MRTFA: variants seen among roughly 807,000 people sequenced by gnomAD.
The protein encoded by MRTFA is myocardin related transcription factor A.
MRTFA carries 20 observed loss-of-function variants against 83.5 expected under a neutral mutation model. The observed-to-expected ratio is 0.24, with a 90% CI of 0.17 to 0.35. MRTFA has a LOEUF of 0.35. Among genes scored for constraint, MRTFA ranks in the 10% least tolerant of loss-of-function variants. MRTFA has a pLI of 1.00. For missense variants in MRTFA, 1,200 were observed against 1,224.7 expected, an observed-to-expected ratio of 0.98 and a Z score of 0.30; for synonymous variants, 659 against 541.2, an observed-to-expected ratio of 1.22 and a Z score of -3.02.
chr22:40,417,411 G>T lies in MRTFA; in HGVS notation c.2447C>A (p.Thr816Asn). 3 of 1,610,864 alleles carry T rather than the reference G, an allele frequency of 1.9e-6. No individual in the cohort carries two copies. Among genetic ancestry groups the T allele is most frequent in the Non-Finnish European group, 2.5e-6 (3 of 1,179,432 alleles). ...TTCCTTCTTCAGCAGAGAAGTGGGG[G>T]TCCCAAAGAGGGGCTGCAGTGGGTG... Residue 816 changes from threonine to asparagine, a missense_variant, in exon 13 of 15, where the codon ACC becomes AAC. Transcript: ENST00000355630.
rs746810895 is a variant in MRTFA, at chr22:40,411,363, T to C, written c.*27A>G. 12 of 1,530,918 alleles carry C rather than the reference T, an allele frequency of 7.8e-6. No individual in the cohort carries two copies. The highest frequency in any genetic ancestry group is 1.8e-4 in the Middle Eastern group (1 of 5,636). The allele number at this position is 1,530,918 out of a possible 1,614,324, so 94.8% of individuals were successfully genotyped here. The stretch of plus-strand genomic sequence containing the variant: ...TTGGAGTACCCTGGCTCCCAGCCCC[T>C]TCCCCACCCCGTCTTGAGCCAGAGA... On this transcript the variant is annotated 3_prime_UTR_variant, in exon 15 of 15. Transcript: ENST00000355630.
intron 3 of MRTFA, among the ~76,000 whole-genome samples, chr22:40,502,639 C>G (rs2054512905): frequency 6.7e-6 from 1 of 149,634 alleles, no homozygotes; most frequent in Admixed American, 6.6e-5. Flanking sequence ...CTCCTCACTT[C>G]CCAGACGGGG....
intron 3 of MRTFA, among the ~76,000 whole-genome samples, chr22:40,464,392 C>A (rs554507150): frequency 1.1e-4 from 16 of 146,774 alleles, no homozygotes; most frequent in African/African-American, 3.8e-4. Flanking sequence ...ACAAACTACA[C>A]AGAATGACAA....
chr22:40,553,345 T>C (rs2055471694), intron 2 of MRTFA, among the ~76,000 whole-genome samples: 1 of 152,184 alleles, frequency 6.6e-6, no homozygotes, highest in Non-Finnish European at 1.5e-5. Context: ...GTCACAGACC[T>C]TCACAGCAGC....
chr22:40,506,665 G>T (rs1289514853), intron 3 of MRTFA, among the ~76,000 whole-genome samples: 1 of 152,166 alleles, frequency 6.6e-6, no homozygotes, highest in Non-Finnish European at 1.5e-5. Context: ...AAATGGGGGG[G>T]TGATGAATCA....
chr22:40,467,639 C>G (rs2053831139), intron 3 of MRTFA, among the ~76,000 whole-genome samples: 1 of 152,010 alleles, frequency 6.6e-6, no homozygotes, highest in Admixed American at 6.5e-5. Context: ...CACATCCACT[C>G]TCACCGAGAA....
intron 3 of MRTFA, among the ~76,000 whole-genome samples, chr22:40,479,647 T>G (rs1056436012): frequency 2.0e-5 from 3 of 152,142 alleles, no homozygotes; most frequent in African/African-American, 7.2e-5. Flanking sequence ...AATTATCAAT[T>G]CCTATAAATG....
intron 3 of MRTFA, among the ~76,000 whole-genome samples, chr22:40,471,190 T>C (rs1296724166): frequency 7.9e-6 from 1 of 126,748 alleles, no homozygotes; most frequent in Admixed American, 9.7e-5. Context: ...AAGACCAGCC[T>C]GGCCAACATG....
intron 1 of MRTFA, among the ~76,000 whole-genome samples, chr22:40,599,315 C>A (rs113693471): frequency 4.9e-4 from 74 of 152,128 alleles, no homozygotes; most frequent in African/African-American, 1.7e-3. Context: ...ACAAAAAAAA[C>A]TTGGGCATTA....
chr22:40,482,439 G>A (rs1215581494), intron 3 of MRTFA, among the ~76,000 whole-genome samples: 1 of 152,120 alleles, frequency 6.6e-6, no homozygotes, highest in African/African-American at 2.4e-5. Context: ...AGATCTCAAA[G>A]TGCCAATTAC....
intron 1 of MRTFA, among the ~76,000 whole-genome samples, chr22:40,613,864 C>T (rs559932334): frequency 6.6e-6 from 1 of 152,086 alleles, no homozygotes; most frequent in South Asian, 2.1e-4. Context: ...GAGCCGGGAT[C>T]GTGTGCACTC....
intron 4 of MRTFA, among the ~76,000 whole-genome samples, chr22:40,452,374 T>C (rs984444269): frequency 1.3e-5 from 2 of 152,186 alleles, no homozygotes; most frequent in African/African-American, 2.4e-5. Flanking sequence ...GGTAAAATAG[T>C]TGAGTAGTAC....
intron 8 of MRTFA, 34 bp from the exon 9 acceptor site, chr22:40,423,719 A>C: frequency 6.7e-7 from 1 of 1,493,414 alleles, no homozygotes; most frequent in Non-Finnish European, 9.0e-7. Context: ...GGACATGGCC[A>C]CCTCCAGGTA....
At chr22:40,485,021 G>A (rs2054152375) in intron 3 of MRTFA, among the ~76,000 whole-genome samples, 1 of 151,116 alleles carries the variant, frequency 6.6e-6, no homozygotes, top group African/African-American at 2.4e-5. Context: ...GCAGTGAGAG[G>A]AGATTGCGCC....
At chr22:40,539,812 A>G (rs1038956967) in intron 3 of MRTFA, among the ~76,000 whole-genome samples, 4 of 150,460 alleles carry the variant, frequency 2.7e-5, no homozygotes, top group Non-Finnish European at 4.4e-5. Context: ...GACGACAACT[A>G]TTTTCTTAAC....
chr22:40,631,283 A>G (rs1306674290), intron 1 of MRTFA, among the ~76,000 whole-genome samples: 1 of 152,116 alleles, frequency 6.6e-6, no homozygotes, highest in Non-Finnish European at 1.5e-5. Flanking sequence ...AAACTAATTC[A>G]CCCAGTCAGT....
chr22:40,499,534 T>C (rs924552991), intron 3 of MRTFA, among the ~76,000 whole-genome samples: 2 of 152,124 alleles, frequency 1.3e-5, no homozygotes, highest in Non-Finnish European at 2.9e-5. Flanking sequence ...AGCACAGAAA[T>C]TAACATATTT....
chr22:40,419,481 G>A (rs766146596), intron 11 of MRTFA, 97 bp from the exon 12 acceptor site: 10 of 1,111,558 alleles, frequency 9.0e-6, no homozygotes, highest in Non-Finnish European at 1.3e-5. Context: ...GGCCACTGCA[G>A]ATGCATCAAC....
chr22:40,413,126 A>G (rs2052595895), intron 14 of MRTFA, among the ~76,000 whole-genome samples: 1 of 121,364 alleles, frequency 8.2e-6, no homozygotes, highest in African/African-American at 3.2e-5. Context: ...AAACAGAGTG[A>G]CACCCTGTCT....
Sources: gnomAD v4.1 joint callset for allele counts (sites outside exome capture counted in the v4.1 genomes callset) on GRCh38, gnomAD v4.1.1 for gene constraint, MANE v1.5 for transcripts, NCBI Gene and HGNC (gene_info 2026-07-23, HGNC 2026-07-21) for gene names.